The following FHIT variants were observed in gnomAD, a reference collection of about 807,000 sequenced individuals.
FHIT encodes the protein fragile histidine triad diadenosine triphosphatase.
In FHIT, 19 loss-of-function variants were observed where a neutral mutation model predicts 17.9. That is an observed-to-expected ratio of 1.06 (90% confidence interval 0.74 to 1.56). The LOEUF is 1.56. Ranked by LOEUF, FHIT falls within the 40% of genes most tolerant of loss-of-function variation. FHIT has a pLI of 0.00. For synonymous variants in FHIT, 81 were observed against 69.7 expected (o/e 1.16, Z -0.81); for missense variants, 248 against 189.2 (o/e 1.31, Z -1.82).
At chr3:60,113,335 C>G (rs371886474) in intron 5 of FHIT, among the ~76,000 whole-genome samples, 2 of 150,450 alleles carry the variant, frequency 1.3e-5, no homozygotes, top group East Asian at 3.9e-4. Flanking sequence ...AATCCATGTA[C>G]TACAGAAACC....
intron 7 of FHIT, among the ~76,000 whole-genome samples, chr3:59,970,869 C>T (rs1383971168): frequency 6.7e-6 from 1 of 149,704 alleles, no homozygotes; most frequent in African/African-American, 2.5e-5. Context: ...AAAATTTCTA[C>T]ATTCAATCAG....
At chr3:60,768,654 A>G (rs1190916294) in intron 4 of FHIT, among the ~76,000 whole-genome samples, 1 of 152,204 alleles carries the variant, frequency 6.6e-6, no homozygotes, top group African/African-American at 2.4e-5. Flanking sequence ...CTTTTGTGGT[A>G]AGGTGGGGCC....
chr3:61,144,331 T>A (rs1436472698), intron 2 of FHIT, among the ~76,000 whole-genome samples: 1 of 152,206 alleles, frequency 6.6e-6, no homozygotes, highest in African/African-American at 2.4e-5. Flanking sequence ...TCACTTAACA[T>A]AATGTTTTCA....
chr3:59,912,698 T>G (rs979781911), intron 8 of FHIT, among the ~76,000 whole-genome samples: 1 of 152,316 alleles, frequency 6.6e-6, no homozygotes, highest in Non-Finnish European at 1.5e-5. Flanking sequence ...AGGGAAAATA[T>G]ATGTTGGAGC....
At chr3:59,865,350 G>T (rs1018686670) in intron 8 of FHIT, among the ~76,000 whole-genome samples, 1 of 152,242 alleles carries the variant, frequency 6.6e-6, no homozygotes, top group Non-Finnish European at 1.5e-5. Context: ...ATCATTCATC[G>T]TGCAAGCACG....
At chr3:60,994,368 A>G (rs1178257794) in intron 3 of FHIT, among the ~76,000 whole-genome samples, 9 of 152,208 alleles carry the variant, frequency 5.9e-5, no homozygotes, top group African/African-American at 2.2e-4. Flanking sequence ...CACCAAGTGT[A>G]TTACATATTT....
In FHIT at chr3:60,474,262, C is replaced by T. The variant is rs538632776; in HGVS notation, c.103+62598G>A. On this transcript the variant is annotated intron_variant, in intron 5 of 9. Transcript: ENST00000492590. ...ATTTTCTTCATTAAGCTTATTTTTTCATCCATGGGAAAAGGAACATGTGTT... is the reference window on the plus strand; with the variant it reads ...ATTTTCTTCATTAAGCTTATTTTTTTATCCATGGGAAAAGGAACATGTGTT... 1.1e-4 allele frequency among the ~76,000 whole-genome samples: 17 copies of T among 152,268 alleles called. 1 individual carries two copies. The highest frequency in any genetic ancestry group is 1.0e-3 in the Admixed American group (16 of 15,296).
intron 3 of FHIT, among the ~76,000 whole-genome samples, chr3:61,034,706 T>G (rs1225465377): frequency 6.6e-6 from 1 of 152,186 alleles, no homozygotes; most frequent in Non-Finnish European, 1.5e-5. Context: ...ACTTAGCCAC[T>G]GTGGAAAATA....
At chr3:60,832,900 G>C (rs1210273403) in intron 3 of FHIT, among the ~76,000 whole-genome samples, 1 of 152,104 alleles carries the variant, frequency 6.6e-6, no homozygotes, top group Non-Finnish European at 1.5e-5. Context: ...TACATTTAAG[G>C]CCCATCTCAA....
At chr3:60,058,134 T>G (rs1030200142) in intron 5 of FHIT, among the ~76,000 whole-genome samples, 8 of 98,190 alleles carry the variant, frequency 8.1e-5, no homozygotes, top group African/African-American at 1.6e-4. Context: ...AGTTGTGTTT[T>G]TTTTTTTTTT....
chr3:60,596,932 G>GA (rs1335711117), intron 4 of FHIT, among the ~76,000 whole-genome samples: 3 of 151,856 alleles, frequency 2.0e-5, no homozygotes, highest in Non-Finnish European at 2.9e-5. Context: ...ATATTTTAGT[G>GA]AAAAAAAATG....
At chr3:60,265,908 TA>T (rs908971266) in intron 5 of FHIT, among the ~76,000 whole-genome samples, 10 of 150,624 alleles carry the variant, frequency 6.6e-5, no homozygotes, top group Middle Eastern at 3.4e-3. Flanking sequence ...CACCTATAAC[TA>T]AAAAAAAATT....
intron 3 of FHIT, among the ~76,000 whole-genome samples, chr3:60,944,240 G>A (rs1451486394): frequency 6.6e-6 from 1 of 152,102 alleles, no homozygotes; most frequent in African/African-American, 2.4e-5. Flanking sequence ...TATGCTTTAG[G>A]TTTTTATGGT....
At chr3:60,600,673 T>C (rs1345122749) in intron 4 of FHIT, among the ~76,000 whole-genome samples, 1 of 152,148 alleles carries the variant, frequency 6.6e-6, no homozygotes, top group African/African-American at 2.4e-5. Context: ...GACAGATTTC[T>C]GAAGTTTCTC....
chr3:60,633,451 A>T (rs1276266411), intron 4 of FHIT, among the ~76,000 whole-genome samples: 1 of 152,364 alleles, frequency 6.6e-6, no homozygotes, highest in Middle Eastern at 3.4e-3. Context: ...TATTATATTT[A>T]AGTATAAAGC....
intron 8 of FHIT, among the ~76,000 whole-genome samples, chr3:59,898,440 GTT>G (rs1173073903): frequency 7.0e-6 from 1 of 142,744 alleles, no homozygotes; most frequent in African/African-American, 2.9e-5. Context: ...GCGTGTGTAT[GTT>G]TGTGTGTGTG....
intron 7 of FHIT, among the ~76,000 whole-genome samples, chr3:60,004,656 G>C (rs1699855035): frequency 6.6e-6 from 1 of 152,148 alleles, no homozygotes; most frequent in South Asian, 2.1e-4. Context: ...TTTAGGAACA[G>C]CCTGGTCATA....
At chr3:60,514,488 T>A (rs2035073251) in intron 5 of FHIT, among the ~76,000 whole-genome samples, 1 of 152,130 alleles carries the variant, frequency 6.6e-6, no homozygotes, top group Non-Finnish European at 1.5e-5. Context: ...CACTGGGGCC[T>A]GTCGAGGAGG....
chr3:60,625,005 C>A (rs1008219012), intron 4 of FHIT, among the ~76,000 whole-genome samples: 2 of 152,058 alleles, frequency 1.3e-5, no homozygotes, highest in Non-Finnish European at 2.9e-5. Context: ...GCCTCTCAGG[C>A]TCAAGCAATC....
Sources: gnomAD v4.1 joint callset for allele counts (sites outside exome capture counted in the v4.1 genomes callset) on GRCh38, gnomAD v4.1.1 for gene constraint, MANE v1.5 for transcripts, NCBI Gene and HGNC (gene_info 2026-07-23, HGNC 2026-07-21) for gene names.